PLEC: variants seen among roughly 807,000 people sequenced by gnomAD.
PLEC encodes plectin.
In PLEC, 216 loss-of-function variants were observed where a neutral mutation model predicts 392.8. The observed-to-expected ratio is 0.55, with a 90% CI of 0.49 to 0.62. The LOEUF is 0.62. PLEC is among the 20% of genes least tolerant of loss of function. PLEC has a pLI of 0.00. For missense variants in PLEC, 6,863 were observed against 6,563.4 expected (o/e 1.05, Z -1.58); for synonymous variants, 3,621 against 2,980.6 (o/e 1.21, Z -7.00).
In PLEC at chr8:143,923,106, G is replaced by C. The variant is rs991457549; in HGVS notation, c.6823C>G (p.Gln2275Glu). 1 of 1,605,708 alleles carries C rather than the reference G, an allele frequency of 6.2e-7. No homozygotes were observed. Among genetic ancestry groups the C allele is most frequent in the Non-Finnish European group, 8.5e-7 (1 of 1,179,852 alleles). Residue 2275 changes from glutamine (Q) to glutamate (E), a missense_variant, in exon 31 of 32, where the codon CAG (glutamine) becomes GAG (glutamate). Coordinates refer to ENST00000345136, the MANE Select transcript of PLEC (RefSeq NM_201384.3). ...AGCCGCGCGGCCTCCTCCGCCACCT[G>C]CTTCATCTTCTCAGCCTCCTCCTGC... is the stretch of plus-strand genomic sequence containing the variant. ...FLQEEAEKMK[Q>E]VAEEAARLSV...
At chr8:143,937,291 C>T (rs782633322) in intron 3 of PLEC, 49 bp from the exon 4 acceptor site, 21 of 1,453,400 alleles carry the variant, frequency 1.4e-5, no homozygotes, top group Non-Finnish European at 1.9e-5. Flanking sequence ...AGCTCCCGGG[C>T]CCCACCCTCA....
Position 143,923,798 on chromosome 8 carries a change from T to C in PLEC, c.6131A>G (p.Gln2044Arg), listed in dbSNP as rs782345829. The C allele has an allele frequency of 3.8e-6, 6 of 1,578,952 alleles. No individual in the cohort carries two copies. The African/African-American group carries it at 8.1e-5, about 21-fold the overall frequency. ...CTTCTCTTCCGCCTGCAGCCGCTTC[T>C]GGGCGGCCTCCTGGGCCAGCTGCAG... ...RQLQLAQEAA[Q>R]KRLQAEEKAH... Residue 2044 changes from glutamine (Q) to arginine (R), a missense_variant, in exon 31 of 32, where the codon CAG becomes CGG. Transcript: ENST00000345136.
intron 19 of PLEC, 49 bp from the exon 20 acceptor site, chr8:143,930,585 C>T (rs982066108): frequency 2.6e-6 from 4 of 1,549,656 alleles, no homozygotes; most frequent in Non-Finnish European, 3.5e-6. Context: ...GACCCACAGG[C>T]CTGCCCCAGG....
intron 18 of PLEC, 52 bp downstream of exon 18, chr8:143,931,885 C>A: frequency 6.6e-7 from 1 of 1,516,760 alleles, no homozygotes; most frequent in South Asian, 1.2e-5. Context: ...GGTCCAGGGG[C>A]TCCTGCAAGG....
At position 143,973,482 on chromosome 8, in the gene PLEC, C is replaced by A; in HGVS notation, c.-10G>T. ...GCAGCGGGCCGGCCATGCCGGCGGG[C>A]GCGGGGCGCGGGGTGCAGCGGAGCC... On this transcript the variant is annotated 5_prime_UTR_variant, in exon 1 of 32. Coordinates refer to the PLEC transcript ENST00000356346. This position sits in a 1 kb window ranked among gnomAD's most constrained non-coding sequence, Gnocchi z 5.6. 1 of 1,503,930 alleles carries A rather than the reference C, an allele frequency of 6.6e-7. No individual in the cohort carries two copies. The highest frequency in any genetic ancestry group is 2.1e-5 in the Admixed American group (1 of 47,178). 93.2% of individuals were successfully genotyped at this position (1,503,930 alleles called of 1,614,324 possible). A position where few individuals can be genotyped will look rare whatever the true frequency, so the allele number is the denominator to read the frequency against.
chr8:143,931,001 C>A (rs1352656044), intron 19 of PLEC, among the ~76,000 whole-genome samples: 1 of 152,198 alleles, frequency 6.6e-6, no homozygotes, highest in Admixed American at 6.5e-5. Context: ...ACTGTGCACC[C>A]GCCCTCCTGG....
exon 1 of PLEC, chr8:143,950,211 G>T: frequency 6.5e-7 from 1 of 1,547,298 alleles, no homozygotes; most frequent in Non-Finnish European, 8.8e-7. Context: ...TCCGGGCCTG[G>T]CCTGGCCAGG....
chr8:143,921,011 T>G lies in PLEC; in HGVS notation c.8810A>C (p.Gln2937Pro). 1 of 1,613,238 alleles carries G rather than the reference T, an allele frequency of 6.2e-7. No homozygotes were observed. Among genetic ancestry groups the G allele is most frequent in the Non-Finnish European group, 8.5e-7 (1 of 1,180,026 alleles). ...GAACTGCCGCAGCAGGTCCCGCCGC[T>G]GCTCTGCCGTGAAGTATTCCGAGTT... ...IINSEYFTAE[Q>P]RRDLLRQFRT... Residue 2937 changes from glutamine (Q) to proline (P), a missense_variant, in exon 32 of 32, where the codon CAG (glutamine) becomes CCG (proline). Gln to Pro is a moderately conservative substitution (Grantham distance 76, BLOSUM62 -1). Transcript: ENST00000345136.
In PLEC at chr8:143,933,174, AGGGAG is replaced by A; in HGVS notation, c.1418+18_1418+22del. 9.1e-7 allele frequency: 1 copy of A among 1,101,960 alleles called. No homozygotes were observed. Among genetic ancestry groups the A allele is most frequent in the Non-Finnish European group, 1.3e-6 (1 of 773,756 alleles). 68.3% of individuals were successfully genotyped at this position (1,101,960 alleles called of 1,614,324 possible). A position where few individuals can be genotyped will look rare whatever the true frequency, so the allele number is the denominator to read the frequency against. On this transcript the variant is annotated intron_variant, in intron 13 of 31. Coordinates refer to ENST00000345136, the MANE Select transcript of PLEC (RefSeq NM_201384.3). ...CTGGGGCCGTGTGTACCTGGGCTTC[AGGGAG>A]GGCAGGGCGGGGCCCACCTGCGGTA...
Position 143,918,150 on chromosome 8 carries a change from G to C in PLEC, c.11671C>G (p.Gln3891Glu). 4 of 1,598,168 alleles carry C rather than the reference G, an allele frequency of 2.5e-6. No individual in the cohort carries two copies. The highest frequency in any genetic ancestry group is 3.4e-6 in the Non-Finnish European group (4 of 1,178,824). Residue 3891 changes from glutamine (Q) to glutamate (E), a missense_variant, in exon 32 of 32, where the codon CAG becomes GAG. Transcript: ENST00000345136. ...RKLTFRGLRK[Q>E]ITMEELVRSQ... ...CGCACCAGCTCCTCCATGGTGATCTGCTTCCGCAGGCCACGGAAGGTCAGC... is the reference window on the plus strand; with the variant it reads ...CGCACCAGCTCCTCCATGGTGATCTCCTTCCGCAGGCCACGGAAGGTCAGC...
At chr8:143,975,378 G>A, upstream of PLEC, 1 of 1,605,712 alleles carries the variant, frequency 6.2e-7, no homozygotes, top group South Asian at 1.1e-5. This position sits in a 1 kb window ranked among gnomAD's most constrained non-coding sequence, Gnocchi z 9.9. Flanking sequence ...ATGGCCTCCT[G>A]GAAGGGGAGC....
At position 143,929,939 on chromosome 8, in the gene PLEC, G is replaced by C. The variant is rs558031489; in HGVS notation, c.2736C>G (p.Ala912=). 1.6e-4 allele frequency: 254 copies of C among 1,609,964 alleles called. No individual in the cohort carries two copies. The highest frequency in any genetic ancestry group is 1.6e-4 in the Non-Finnish European group (183 of 1,179,494). ...CCCGGCTCGGGGGCAGGCGTACCGT[G>C]GCCAGGGACCAGGAGCGGATGAGCT... ...DVQLIRSWSL[A]TFRTLKPEEQ... The change falls in exon 22 of 32, where the codon GCC becomes GCG. Residue 912 remains alanine (A), a synonymous_variant. Coordinates refer to ENST00000345136, the MANE Select transcript of PLEC (RefSeq NM_201384.3).
intron 1 of PLEC, among the ~76,000 whole-genome samples, chr8:143,965,141 C>T (rs942169397): frequency 6.6e-6 from 1 of 152,102 alleles, no homozygotes; most frequent in Admixed American, 6.6e-5. Flanking sequence ...TGGGGCCTTC[C>T]TTTCCTGCAG....
At chr8:143,936,067 C>G in intron 5 of PLEC, 53 bp from the exon 6 acceptor site, 5 of 1,596,458 alleles carry the variant, frequency 3.1e-6, no homozygotes, top group Non-Finnish European at 4.3e-6. Context: ...CAGGCCTGCT[C>G]TGTGCCCACA....
upstream of PLEC, among the ~76,000 whole-genome samples, chr8:143,976,452 GC>G (rs1833665783): frequency 2.0e-5 from 3 of 152,034 alleles, no homozygotes; most frequent in Non-Finnish European, 4.4e-5. Flanking sequence ...CCCGGTTGCA[GC>G]CCCCCGCCCG....
intron 12 of PLEC, 63 bp from the exon 13 acceptor site, chr8:143,933,414 G>C: frequency 6.3e-7 from 1 of 1,587,146 alleles, no homozygotes; most frequent in Admixed American, 1.7e-5. Context: ...CAGGGGCCCC[G>C]GCCAAGACGG....
rs782631888 is a variant in PLEC, at chr8:143,932,834, C to T, written c.1696G>A (p.Glu566Lys). The T allele has an allele frequency of 6.2e-6, 10 of 1,612,434 alleles. No individual in the cohort carries two copies. The highest frequency in any genetic ancestry group is 3.3e-5 in the South Asian group (3 of 91,078). The change falls in exon 14 of 32, where the codon GAA becomes AAA. Residue 566 changes from glutamate (E) to lysine (K), a missense_variant. Coordinates refer to ENST00000345136, the MANE Select transcript of PLEC (RefSeq NM_201384.3). The stretch of plus-strand genomic sequence containing the variant: ...CGCTCGATCTTGGCCCGGAATTCTT[C>T]GATGGACTGGTGCAGGCCTCGGTGG... ...GSHRGLHQSI[E>K]EFRAKIERAR... is the part of the protein sequence containing the mutation.
intron 10 of PLEC, 61 bp from the exon 11 acceptor site, chr8:143,934,506 C>T: frequency 1.2e-6 from 2 of 1,604,926 alleles, no homozygotes; most frequent in Admixed American, 3.3e-5. Flanking sequence ...GGCGCTGGGC[C>T]TTCAGACCCC....
rs782743336 is a variant in PLEC, at chr8:143,924,294, G to A, written c.5635C>T (p.Arg1879Trp). 47 of 1,592,046 alleles carry A rather than the reference G, an allele frequency of 3.0e-5. No individual in the cohort carries two copies. Among genetic ancestry groups the A allele is most frequent in the Admixed American group, 1.5e-4 (9 of 59,396 alleles). The change falls in exon 31 of 32, where the codon CGG (arginine) becomes TGG (tryptophan). Residue 1879 changes from arginine (R) to tryptophan (W), a missense_variant. Transcript: ENST00000345136. The stretch of plus-strand genomic sequence containing the variant: ...TGTTGCGCGGCCTGCTCCTCCAGCC[G>A]CCGCCGCTGGAAGGCCTCGTCCTCC... ...LAEDEAFQRR[R>W]LEEQAAQHKA... is the part of the protein sequence containing the mutation.
Sources: allele counts gnomAD v4.1 joint callset (sites outside exome capture counted in the v4.1 genomes callset), GRCh38; gene constraint gnomAD v4.1.1; non-coding constraint Gnocchi (gnomAD v3.1); transcripts MANE v1.5; gene names NCBI Gene and HGNC (gene_info 2026-07-23, HGNC 2026-07-21).